SLC7A7: variants seen among roughly 807,000 people sequenced by gnomAD.
SLC7A7 encodes the protein solute carrier family 7 member 7.
Under a neutral mutation model 47.9 loss-of-function variants are expected in SLC7A7, and 39 were observed. That is an observed-to-expected ratio of 0.81 (90% CI 0.63 to 1.06). The LOEUF is 1.06. Ranked by LOEUF, SLC7A7 falls within the 50% of genes least tolerant of loss-of-function variation. SLC7A7 has a pLI of 0.00. For missense variants in SLC7A7, 588 were observed against 632.0 expected, an observed-to-expected ratio of 0.93 and a Z score of 0.75; for synonymous variants, 234 against 242.8, an observed-to-expected ratio of 0.96 and a Z score of 0.34.
Position 22,812,937 on chromosome 14 carries a change from AG to A in SLC7A7, c.461del (p.Pro154LeufsTer16), listed in dbSNP as rs2039338054. 2.5e-6 allele frequency: 4 copies of A among 1,613,786 alleles called. No individual in the cohort carries two copies. The highest frequency in any genetic ancestry group is 2.5e-6 in the Non-Finnish European group (3 of 1,179,994). On this transcript the variant is annotated frameshift_variant, in exon 2 of 10. Coordinates refer to ENST00000674313, the MANE Select transcript of SLC7A7 (RefSeq NM_003982.4). LOFTEE classifies it high-confidence loss of function. ...VQPLFPSCFA[P>X]YAASRLLAAA... ...CAGCCAGCAGGCGGCTGGCAGCATA[AG>A]GGGCGAAGCAGCTCGGGAAGAGAGG...
chr14:22,773,510 A>T lies in SLC7A7; in HGVS notation c.*100T>A. 1 of 977,438 alleles carries T rather than the reference A, an allele frequency of 1.0e-6. No individual in the cohort carries two copies. The highest frequency in any genetic ancestry group is 1.3e-5 in the South Asian group (1 of 74,992). The allele number at this position is 977,438 out of a possible 1,614,324, so 60.5% of individuals were successfully genotyped here. ...GAAGCTGCCTAGGCCAGGCTTCTGG[A>T]CAGGTGCCTCCAAAGAAGTGAGCTT... is the stretch of plus-strand genomic sequence containing the variant. On this transcript the variant is annotated 3_prime_UTR_variant, in exon 10 of 10. Coordinates refer to ENST00000674313, the MANE Select transcript of SLC7A7 (RefSeq NM_003982.4).
intron 2 of SLC7A7, among the ~76,000 whole-genome samples, chr14:22,791,025 G>A (rs964051487): frequency 6.0e-5 from 9 of 149,846 alleles, no homozygotes; most frequent in African/African-American, 1.7e-4. Flanking sequence ...GGTCAAATAC[G>A]TTTATTAGCC....
chr14:22,774,429 C>G lies in SLC7A7; in HGVS notation c.1170G>C (p.Trp390Cys), dbSNP rs370847983. The G allele has an allele frequency of 1.1e-5, 18 of 1,613,998 alleles. No individual in the cohort carries two copies. The highest frequency in any genetic ancestry group is 9.3e-5 in the African/African-American group (7 of 74,880). Reference sequence around the variant, plus strand: ...CCACAATAGAAAGCCCCACAAAGAACCAGTAGCTGAAGCTGTAGTAGTTAA... The same window carrying G: ...CCACAATAGAAAGCCCCACAAAGAAGCAGTAGCTGAAGCTGTAGTAGTTAA... ...QLINYYSFSYWFFVGLSIVGQ... is the reference protein window; with the variant it reads ...QLINYYSFSYCFFVGLSIVGQ... The change falls in exon 8 of 10, where the codon TGG becomes TGC. Residue 390 changes from tryptophan (W) to cysteine (C), a missense_variant. Trp to Cys is a radical substitution (Grantham distance 215). Transcript: ENST00000674313.
intron 2 of SLC7A7, among the ~76,000 whole-genome samples, chr14:22,809,392 G>A (rs537970902): frequency 4.7e-5 from 7 of 148,954 alleles, no homozygotes; most frequent in African/African-American, 1.7e-4. Flanking sequence ...CCAGGCTGGC[G>A]TGCAATGGCG....
intron 2 of SLC7A7, among the ~76,000 whole-genome samples, chr14:22,783,304 C>T (rs2038753273): frequency 6.6e-6 from 1 of 152,054 alleles, no homozygotes; most frequent in Admixed American, 6.6e-5. Flanking sequence ...CTCAGGCAAT[C>T]CTTCCACCTC....
chr14:22,810,039 C>CAAAAAAAA (rs34386018), intron 2 of SLC7A7, among the ~76,000 whole-genome samples: 5 of 60,690 alleles, frequency 8.2e-5, no homozygotes, highest in Non-Finnish European at 1.1e-4. Context: ...AACACTGTCT[C>CAAAAAAAA]AAAAAAAAAA....
intron 2 of SLC7A7, among the ~76,000 whole-genome samples, chr14:22,811,115 A>T (rs1431971468): frequency 6.6e-6 from 1 of 152,194 alleles, no homozygotes; most frequent in Non-Finnish European, 1.5e-5. Context: ...GACACACAAA[A>T]CACAGAAGGA....
chr14:22,779,083 G>GAACAGGA, intron 3 of SLC7A7, 146 bp from the exon 4 acceptor site: 1 of 957,958 alleles, frequency 1.0e-6, no homozygotes, highest in Non-Finnish European at 1.6e-6. Flanking sequence ...ACCAGTAAGG[G>GAACAGGA]AACAGGAAAC....
intron 2 of SLC7A7, among the ~76,000 whole-genome samples, chr14:22,798,717 A>G (rs545405379): frequency 3.5e-4 from 53 of 152,258 alleles, no homozygotes; most frequent in African/African-American, 1.1e-3. Context: ...GGTCTCTACA[A>G]TGCAGTCTGA....
At position 22,775,734 on chromosome 14, in the gene SLC7A7, C is replaced by T. The variant is rs28365818; in HGVS notation, c.998+99G>A. The T allele has an allele frequency of 7.8e-4, 767 of 979,712 alleles. 8 individuals are homozygous for T. In the East Asian group the frequency reaches 0.017, roughly 21 times the overall value. 60.7% of individuals were successfully genotyped at this position (979,712 alleles called of 1,614,324 possible). On this transcript the variant is annotated intron_variant, in intron 6 of 9. Transcript: ENST00000674313. ...AACAAGAAGAAAGAGGTTGTGGTAT[C>T]GGTTGGAGAACACAAGTAATCAAAG...
At chr14:22,775,337 T>A in intron 7 of SLC7A7, 107 bp downstream of exon 7, 1 of 938,352 alleles carries the variant, frequency 1.1e-6, no homozygotes, top group Non-Finnish European at 1.7e-6. Context: ...CAATAGTTTT[T>A]CTATTGGAAT....
chr14:22,816,467 A>G (rs1337813763), upstream of SLC7A7: 1 of 151,454 alleles, frequency 6.6e-6, no homozygotes, highest in Non-Finnish European at 1.5e-5. Context: ...ACATTAGGCC[A>G]CTGCACTCCA....
rs1473305201 is a variant in SLC7A7, at chr14:22,788,700, T to C, written c.500-8649A>G. Among the ~76,000 whole-genome samples, 3 of 138,692 alleles carry C rather than the reference T, an allele frequency of 2.2e-5. No homozygotes were observed. The South Asian group carries it at 6.7e-4, about 31-fold the overall frequency. 91.0% of individuals were successfully genotyped at this position (138,692 alleles called of 152,430 possible). A position where few individuals can be genotyped will look rare whatever the true frequency, so the allele number is the denominator to read the frequency against. Reference sequence around the variant, plus strand: ...GCCCGGGCGACAGAGTGAGACTCTGTCTGGGAAAAAAAAAAAAAAAAAGTG... The same window carrying C: ...GCCCGGGCGACAGAGTGAGACTCTGCCTGGGAAAAAAAAAAAAAAAAAGTG... On this transcript the variant is annotated intron_variant, in intron 2 of 9. Coordinates refer to ENST00000674313, the MANE Select transcript of SLC7A7 (RefSeq NM_003982.4).
intron 2 of SLC7A7, among the ~76,000 whole-genome samples, chr14:22,807,437 T>C (rs994540711): frequency 1.9e-4 from 29 of 152,178 alleles, no homozygotes; most frequent in Non-Finnish European, 1.5e-5. Flanking sequence ...TGTAGCTTTG[T>C]AGCTCCCACC....
intron 2 of SLC7A7, among the ~76,000 whole-genome samples, chr14:22,796,734 T>C (rs1378576114): frequency 1.3e-5 from 2 of 152,154 alleles, no homozygotes; most frequent in Non-Finnish European, 2.9e-5. Context: ...AACAGTCATG[T>C]CCACCTGTGA....
At chr14:22,814,815 C>T (rs1424035148) in intron 1 of SLC7A7, 2 of 159,206 alleles carry the variant, frequency 1.3e-5, no homozygotes, top group African/African-American at 4.8e-5. Context: ...TCCTCCTGCC[C>T]AAAGAGCATC....
At chr14:22,788,556 T>C (rs2038863555) in intron 2 of SLC7A7, among the ~76,000 whole-genome samples, 1 of 151,734 alleles carries the variant, frequency 6.6e-6, no homozygotes, top group South Asian at 2.1e-4. Flanking sequence ...ATACAAAAAT[T>C]AGCTGGGCGT....
Position 22,813,070 on chromosome 14 carries a change from G to C in SLC7A7, c.329C>G (p.Ala110Gly), listed in dbSNP as rs1028584279. Residue 110 changes from alanine (A) to glycine (G), a missense_variant, in exon 2 of 10, where the codon GCC becomes GGC. Physicochemically the swap from Ala to Gly is moderately conservative, Grantham distance 60. Coordinates refer to ENST00000674313, the MANE Select transcript of SLC7A7 (RefSeq NM_003982.4). The part of the protein sequence containing the change: ...SGASYAYILE[A>G]FGGFLAFIRL... The stretch of plus-strand genomic sequence containing the variant: ...GATGAAAGCAAGGAATCCTCCAAAG[G>C]CCTCCAGGATATAGGCATAGCTGGC... The C allele has an allele frequency of 1.2e-6, 2 of 1,614,112 alleles. No homozygotes were observed. Among genetic ancestry groups the C allele is most frequent in the South Asian group, 2.2e-5 (2 of 91,080 alleles).
At chr14:22,797,501 C>T (rs2039039120) in intron 2 of SLC7A7, among the ~76,000 whole-genome samples, 1 of 152,222 alleles carries the variant, frequency 6.6e-6, no homozygotes, top group Non-Finnish European at 1.5e-5. Flanking sequence ...AGTCTCCAGC[C>T]TTCACTCAAA....
Sources: gnomAD v4.1 joint callset for allele counts (sites outside exome capture counted in the v4.1 genomes callset) on GRCh38, gnomAD v4.1.1 for gene constraint, MANE v1.5 for transcripts, NCBI Gene and HGNC (gene_info 2026-07-23, HGNC 2026-07-21) for gene names.